The following FGL1 variants were observed in gnomAD, a reference collection of about 807,000 sequenced individuals.
The protein encoded by FGL1 is fibrinogen-like protein 1.
A neutral mutation model predicts 43.7 loss-of-function variants in FGL1; 59 were observed. The observed-to-expected ratio is 1.35, with a 90% CI of 1.10 to 1.68. The LOEUF (loss-of-function observed/expected upper bound fraction) is 1.68, where lower values mean the gene tolerates loss of function less well. FGL1 is among the 40% of genes most tolerant of loss of function. The probability of loss-of-function intolerance (pLI) is 0.00; values close to 1 mark genes in which losing one functional copy is unlikely to be tolerated. For missense variants in FGL1, 596 were observed against 373.0 expected, an observed-to-expected ratio of 1.60 and a Z score of -4.92; for synonymous variants, 192 against 126.5, an observed-to-expected ratio of 1.52 and a Z score of -3.48.
intron 1 of FGL1, among the ~76,000 whole-genome samples, chr8:17,892,579 C>T (rs1301577597): frequency 6.6e-6 from 1 of 152,130 alleles, no homozygotes; most frequent in Non-Finnish European, 1.5e-5. Context: ...TTATTTGTGA[C>T]TCCAACTCAA....
Position 17,868,710 on chromosome 8 carries a change from T to C in FGL1, c.617A>G (p.Glu206Gly), listed in dbSNP as rs2131694865. ...EKNFYELNIG[E>G]YSGTAGDSLA... ...GGAATCTCCAGCTGTTCCAGAATAT[T>C]CCCCAATATTCAACTCGTAGAAATT... Residue 206 changes from glutamate (E) to glycine (G), a missense_variant, in exon 7 of 8, where the codon GAA becomes GGA. By Grantham distance (98) the Glu-to-Gly change is moderately conservative. Coordinates refer to ENST00000427924, the MANE Select transcript of FGL1 (RefSeq NM_004467.4). 6.2e-7 allele frequency: 1 copy of C among 1,612,938 alleles called. No individual in the cohort carries two copies. The highest frequency in any genetic ancestry group is 1.7e-4 in the Middle Eastern group (1 of 6,050).
At chr8:17,867,526 T>C (rs919238029) in intron 7 of FGL1, among the ~76,000 whole-genome samples, 2 of 152,208 alleles carry the variant, frequency 1.3e-5, no homozygotes, top group Admixed American at 1.3e-4. Context: ...CAACTAATAA[T>C]AAAAGATTAT....
chr8:17,891,817 A>G (rs2053709297), intron 1 of FGL1: 5 of 982,758 alleles, frequency 5.1e-6, no homozygotes, highest in Non-Finnish European at 4.8e-6. Context: ...CCTTCCAGCA[A>G]CAACAAAAAT....
chr8:17,875,880 A>T (rs1351286453), intron 3 of FGL1, among the ~76,000 whole-genome samples: 1 of 152,142 alleles, frequency 6.6e-6, no homozygotes, highest in Admixed American at 6.5e-5. Flanking sequence ...TGAAAGGATG[A>T]CAGGTGTGAG....
intron 2 of FGL1, among the ~76,000 whole-genome samples, chr8:17,883,816 C>T (rs2053587159): frequency 6.8e-6 from 1 of 146,470 alleles, no homozygotes; most frequent in Non-Finnish European, 1.5e-5. Context: ...CCTTTCCCTT[C>T]CTCTTCCCTT....
chr8:17,895,400 G>A (rs2053759973), intron 1 of FGL1, 47 bp downstream of exon 1: 3 of 1,273,616 alleles, frequency 2.4e-6, no homozygotes, highest in Non-Finnish European at 2.0e-6. Flanking sequence ...AAATAAATTA[G>A]CATTATTACA....
At chr8:17,880,699 G>A (rs148215119) in intron 3 of FGL1, among the ~76,000 whole-genome samples, 1 of 152,292 alleles carries the variant, frequency 6.6e-6, no homozygotes, top group African/African-American at 2.4e-5. Context: ...ATGTAGCATG[G>A]TAGTGCTAGA....
chr8:17,869,794 T>C (rs1585128219), intron 5 of FGL1, among the ~76,000 whole-genome samples: 3 of 152,310 alleles, frequency 2.0e-5, no homozygotes, highest in Non-Finnish European at 4.4e-5. Context: ...GAAGAACTGA[T>C]ATCTACATGT....
At chr8:17,872,466 C>T (rs1379999260) in intron 5 of FGL1, among the ~76,000 whole-genome samples, 2 of 152,036 alleles carry the variant, frequency 1.3e-5, no homozygotes, top group Non-Finnish European at 2.9e-5. Flanking sequence ...CCATGCCTGG[C>T]TAATTTTTGT....
intron 5 of FGL1, among the ~76,000 whole-genome samples, chr8:17,869,978 C>A (rs747583810): frequency 6.6e-6 from 1 of 151,996 alleles, no homozygotes; most frequent in African/African-American, 2.4e-5. Context: ...GGCATGGTGG[C>A]GGGCACCTGT....
chr8:17,877,872 G>C (rs990433228), intron 3 of FGL1, among the ~76,000 whole-genome samples: 4 of 152,132 alleles, frequency 2.6e-5, no homozygotes, highest in African/African-American at 7.2e-5. Context: ...TTTCTTCCTT[G>C]AAAACAAGGC....
At chr8:17,890,851 C>T (rs951577766) in intron 1 of FGL1, among the ~76,000 whole-genome samples, 4 of 151,998 alleles carry the variant, frequency 2.6e-5, no homozygotes, top group South Asian at 2.1e-4. Flanking sequence ...CTCACTATCA[C>T]GAAAACAGCA....
chr8:17,893,436 T>C (rs540183716), intron 1 of FGL1, among the ~76,000 whole-genome samples: 10 of 149,956 alleles, frequency 6.7e-5, no homozygotes, highest in Middle Eastern at 3.5e-3. Context: ...ATATTATATA[T>C]ACATTATATA....
intron 7 of FGL1, among the ~76,000 whole-genome samples, chr8:17,865,726 T>C (rs950996395): frequency 1.3e-5 from 2 of 152,216 alleles, no homozygotes; most frequent in Non-Finnish European, 2.9e-5. Context: ...GCCATATACT[T>C]CTTTATTGAT....
chr8:17,888,495 T>G (rs1212402973), intron 1 of FGL1, among the ~76,000 whole-genome samples: 1 of 152,212 alleles, frequency 6.6e-6, no homozygotes, highest in Non-Finnish European at 1.5e-5. Flanking sequence ...CAAGATTATG[T>G]CTACAAATTA....
At chr8:17,883,386 TATA>T (rs533368074) in intron 2 of FGL1, among the ~76,000 whole-genome samples, 1,273 of 96,190 alleles carry the variant, frequency 0.013, 142 homozygotes, top group African/African-American at 0.064. Flanking sequence ...TAATATACAA[TATA>T]ATAATAATAT....
chr8:17,892,057 G>A (rs1207129300), intron 1 of FGL1, among the ~76,000 whole-genome samples: 3 of 152,092 alleles, frequency 2.0e-5, no homozygotes, highest in African/African-American at 7.2e-5. Flanking sequence ...AGTTTGACTC[G>A]TGTTTTCAGT....
chr8:17,869,262 C>A (rs2053320636), intron 5 of FGL1, among the ~76,000 whole-genome samples: 2 of 151,892 alleles, frequency 1.3e-5, no homozygotes, highest in African/African-American at 4.8e-5. Flanking sequence ...AAACCTAGTG[C>A]AATTCACTGA....
intron 1 of FGL1, among the ~76,000 whole-genome samples, chr8:17,887,468 C>A (rs952149041): frequency 6.6e-6 from 1 of 152,196 alleles, no homozygotes; most frequent in Non-Finnish European, 1.5e-5. Context: ...AAGAGAAACA[C>A]CAAATTTCTG....
Sources: gnomAD v4.1 joint callset for allele counts (sites outside exome capture counted in the v4.1 genomes callset) on GRCh38, gnomAD v4.1.1 for gene constraint, MANE v1.5 for transcripts, NCBI Gene and HGNC (gene_info 2026-07-23, HGNC 2026-07-21) for gene names.